Variants in L3MBTL3 observed in about 807,000 individuals in gnomAD.
The protein encoded by L3MBTL3 is lethal(3)malignant brain tumor-like protein 3.
L3MBTL3 carries 27 observed loss-of-function variants against 102.3 expected under a neutral mutation model. The observed-to-expected ratio is 0.26, with a 90% CI of 0.19 to 0.36. The LOEUF is 0.36. Among genes scored for constraint, L3MBTL3 ranks in the 10% least tolerant of loss-of-function variants. The pLI is 1.00. For missense variants in L3MBTL3, 798 were observed against 955.3 expected, an observed-to-expected ratio of 0.84 and a Z score of 2.17; for synonymous variants, 340 against 320.9, an observed-to-expected ratio of 1.06 and a Z score of -0.64.
intron 16 of L3MBTL3, among the ~76,000 whole-genome samples, chr6:130,092,086 A>G (rs887435791): frequency 6.6e-6 from 1 of 152,164 alleles, no homozygotes; most frequent in Non-Finnish European, 1.5e-5. Context: ...ATTATACATT[A>G]TATGCCTATA....
chr6:130,055,139 T>A (rs1781381772), intron 7 of L3MBTL3, 32 bp from the exon 8 acceptor site: 1 of 1,570,160 alleles, frequency 6.4e-7, no homozygotes, highest in Non-Finnish European at 8.8e-7. Context: ...TTTCTTGAAC[T>A]TTAAAGTCAT....
At chr6:130,131,621 A>AGTGTATTAGG in intron 20 of L3MBTL3, among the ~76,000 whole-genome samples, 1 of 152,336 alleles carries the variant, frequency 6.6e-6, no homozygotes, top group South Asian at 2.1e-4. Flanking sequence ...AGGATGCAAA[A>AGTGTATTAGG]GTGTATTAGG....
intron 2 of L3MBTL3, among the ~76,000 whole-genome samples, chr6:130,024,786 A>G (rs2114471242): frequency 6.6e-6 from 1 of 152,242 alleles, no homozygotes; most frequent in East Asian, 1.9e-4. Context: ...GGAGTTCTAG[A>G]GATCCTTACT....
chr6:130,103,987 A>G (rs1784843016), intron 18 of L3MBTL3, among the ~76,000 whole-genome samples: 3 of 152,230 alleles, frequency 2.0e-5, no homozygotes, highest in Non-Finnish European at 4.4e-5. Flanking sequence ...ACTATTAAAA[A>G]AGGAAATTAA....
intron 1 of L3MBTL3, among the ~76,000 whole-genome samples, chr6:130,021,148 G>A (rs939048383): frequency 5.9e-5 from 9 of 152,164 alleles, no homozygotes; most frequent in Non-Finnish European, 1.0e-4. Context: ...ACTGACTCGA[G>A]TAGAGAGCAT....
intron 22 of L3MBTL3, among the ~76,000 whole-genome samples, chr6:130,139,204 T>C (rs912869687): frequency 6.6e-6 from 1 of 152,150 alleles, no homozygotes; most frequent in Non-Finnish European, 1.5e-5. Context: ...GTAGCTGATA[T>C]GTTTGCCTGA....
At chr6:130,089,508 A>G (rs1000651139) in intron 16 of L3MBTL3, among the ~76,000 whole-genome samples, 8 of 152,136 alleles carry the variant, frequency 5.3e-5, no homozygotes, top group African/African-American at 7.2e-5. Flanking sequence ...GCTATTGTGA[A>G]TAGTGCCGCA....
intron 20 of L3MBTL3, among the ~76,000 whole-genome samples, chr6:130,121,696 G>T (rs1345480698): frequency 6.6e-6 from 1 of 151,862 alleles, no homozygotes; most frequent in African/African-American, 2.4e-5. Flanking sequence ...ATAGAATATT[G>T]TCTTAATCTA....
chr6:130,084,454 G>A (rs1284345306), intron 15 of L3MBTL3, among the ~76,000 whole-genome samples: 5 of 152,004 alleles, frequency 3.3e-5, no homozygotes, highest in African/African-American at 9.6e-5. Context: ...TTTAATGTTA[G>A]AATTAATTAT....
chr6:130,133,940 A>G lies in L3MBTL3; in HGVS notation c.2199+35A>G, dbSNP rs1787334700. The G allele has an allele frequency of 1.3e-6, 2 of 1,503,064 alleles. No individual in the cohort carries two copies. The highest frequency in any genetic ancestry group is 3.4e-4 in the Middle Eastern group (2 of 5,828). 93.1% of individuals were successfully genotyped at this position (1,503,064 alleles called of 1,614,324 possible). ...CCACTAAATTGCAATATGTTACTTAATGGGATCAAAGCACTGAAATGCAGT... is the reference window on the plus strand; with the variant it reads ...CCACTAAATTGCAATATGTTACTTAGTGGGATCAAAGCACTGAAATGCAGT... On this transcript the variant is annotated intron_variant, in intron 22 of 22. Transcript: ENST00000361794. This position sits in a 1 kb window ranked among gnomAD's most constrained non-coding sequence, Gnocchi z 4.9.
intron 2 of L3MBTL3, among the ~76,000 whole-genome samples, chr6:130,033,713 T>G (rs534175360): frequency 6.6e-6 from 1 of 152,258 alleles, no homozygotes; most frequent in Non-Finnish European, 1.5e-5. Context: ...ATAACTATTC[T>G]TAACTCATAA....
At chr6:130,085,004 A>G (rs1024209756) in intron 15 of L3MBTL3, among the ~76,000 whole-genome samples, 1 of 151,836 alleles carries the variant, frequency 6.6e-6, no homozygotes, top group Non-Finnish European at 1.5e-5. Flanking sequence ...TAATTTTTGT[A>G]TTTTTTGTAG....
At chr6:130,073,026 C>T (rs1782734202) in intron 13 of L3MBTL3, among the ~76,000 whole-genome samples, 1 of 152,140 alleles carries the variant, frequency 6.6e-6, no homozygotes, top group African/African-American at 2.4e-5. Flanking sequence ...ATTGAAACCT[C>T]ATCTTATTTA....
intron 10 of L3MBTL3, among the ~76,000 whole-genome samples, chr6:130,065,707 G>T (rs1035677575): frequency 7.9e-5 from 12 of 152,072 alleles, no homozygotes; most frequent in African/African-American, 2.9e-4. Flanking sequence ...TCCAGGGCAG[G>T]GTATGATCCA....
chr6:130,059,481 T>A (rs1781752315), intron 9 of L3MBTL3, among the ~76,000 whole-genome samples: 1 of 152,270 alleles, frequency 6.6e-6, no homozygotes, highest in Non-Finnish European at 1.5e-5. Context: ...TGCACATACA[T>A]GCATGTATAC....
chr6:130,088,891 T>A (rs980746915), intron 16 of L3MBTL3, among the ~76,000 whole-genome samples: 5 of 152,160 alleles, frequency 3.3e-5, no homozygotes, highest in Non-Finnish European at 4.4e-5. Flanking sequence ...TTACATTGTT[T>A]TGTTCTCATT....
chr6:130,067,888 C>T (rs769634306), intron 11 of L3MBTL3, among the ~76,000 whole-genome samples: 10 of 152,100 alleles, frequency 6.6e-5, no homozygotes, highest in South Asian at 2.1e-4. Flanking sequence ...AAGTGATAGG[C>T]CAAAAAGATT....
chr6:130,057,461 G>A lies in L3MBTL3; in HGVS notation c.723G>A (p.Glu241=), dbSNP rs1220033910. Residue 241 remains glutamate, a synonymous_variant, in exon 9 of 23, where the codon GAG becomes GAA. Coordinates refer to ENST00000361794, the MANE Select transcript of L3MBTL3 (RefSeq NM_032438.4). ...GCTGGGCATCCTACCTGGAAGAGGAGAAAGCGGTGGCAGTGCCGGCGAAGC... is the reference window on the plus strand; with the variant it reads ...GCTGGGCATCCTACCTGGAAGAGGAAAAAGCGGTGGCAGTGCCGGCGAAGC... The part of the protein sequence containing the change: ...AWCWASYLEE[E]KAVAVPAKLF... The A allele has an allele frequency of 1.2e-6, 2 of 1,611,200 alleles. No homozygotes were observed. The highest frequency in any genetic ancestry group is 2.2e-5 in the East Asian group (1 of 44,836).
At chr6:130,086,280 G>T (rs766176447) in intron 16 of L3MBTL3, 30 bp downstream of exon 16, 2 of 1,416,744 alleles carry the variant, frequency 1.4e-6, no homozygotes, top group South Asian at 2.5e-5. Context: ...GGTTGGCTTT[G>T]TCTTTTGTTA....
Sources: allele counts gnomAD v4.1 joint callset (sites outside exome capture counted in the v4.1 genomes callset), GRCh38; gene constraint gnomAD v4.1.1; non-coding constraint Gnocchi (gnomAD v3.1); transcripts MANE v1.5; gene names NCBI Gene and HGNC (gene_info 2026-07-23, HGNC 2026-07-21).